The following MYO15A variants were observed in gnomAD, a reference collection of about 807,000 sequenced individuals.
The protein encoded by MYO15A is unconventional myosin-XV.
A neutral mutation model predicts 394.6 loss-of-function variants in MYO15A; 308 were observed. That is an observed-to-expected ratio of 0.78 (90% CI 0.71 to 0.86). The LOEUF is 0.86. Among genes scored for constraint, MYO15A ranks in the 40% least tolerant of loss-of-function variants. The pLI, the probability that MYO15A is intolerant of heterozygous loss-of-function variation, is 0.00. For synonymous variants in MYO15A, 1,957 were observed against 2,003.8 expected (o/e 0.98, Z 0.62); for missense variants, 4,606 against 4,799.1 (o/e 0.96, Z 1.19).
At chr17:18,118,481 T>C in intron 1 of MYO15A, 101 bp from the exon 2 acceptor site, 1 of 416,428 alleles carries the variant, frequency 2.4e-6, no homozygotes, top group South Asian at 2.5e-5. Context: ...GATGTTGCCA[T>C]GACGACTCCG....
chr17:18,139,048 T>A (rs2046332242), intron 18 of MYO15A, 112 bp downstream of exon 18: 1 of 1,475,028 alleles, frequency 6.8e-7, no homozygotes, highest in African/African-American at 1.4e-5. Flanking sequence ...CAATTCTGGC[T>A]CTGCTGTGCC....
At position 18,126,430 on chromosome 17, in the gene MYO15A, C is replaced by T. The variant is rs567728989; in HGVS notation, c.3840C>T (p.Asn1280=). The change falls in exon 5 of 66, where the codon AAC becomes AAT. Residue 1280 remains asparagine, a synonymous_variant. Coordinates refer to ENST00000647165, the MANE Select transcript of MYO15A (RefSeq NM_016239.4). ...IYGPEQVQQY[N]GRALGENPPH... ...GGCCGGAGCAGGTGCAGCAGTACAA[C>T]GGACGGGCCCTGGGAGAGAATCCCC... is the stretch of plus-strand genomic sequence containing the variant. 52 of 1,613,858 alleles carry T rather than the reference C, an allele frequency of 3.2e-5. No homozygotes were observed. Among genetic ancestry groups the T allele is most frequent in the East Asian group, 4.5e-5 (2 of 44,856 alleles).
intron 45 of MYO15A, 115 bp downstream of exon 45, chr17:18,154,870 TG>T (rs2142380207): frequency 8.1e-7 from 1 of 1,228,102 alleles, no homozygotes; most frequent in East Asian, 2.5e-5. Flanking sequence ...CCCAGACATG[TG>T]CCTCCTTGCT....
At chr17:18,158,203 G>A in intron 51 of MYO15A, 1 of 592,782 alleles carries the variant, frequency 1.7e-6, no homozygotes, top group South Asian at 2.1e-5. Flanking sequence ...AGTCTACTGG[G>A]TTTGGGGCGG....
At chr17:18,116,755 A>G (rs2045792182) in intron 1 of MYO15A, among the ~76,000 whole-genome samples, 1 of 152,130 alleles carries the variant, frequency 6.6e-6, no homozygotes, top group African/African-American at 2.4e-5. Context: ...AACCGTCTCT[A>G]CTAAAAATAC....
At chr17:18,139,748 C>A in intron 19 of MYO15A, 137 bp downstream of exon 19, 1 of 999,078 alleles carries the variant, frequency 1.0e-6, no homozygotes, top group Non-Finnish European at 1.5e-6. Context: ...ACAAGGGTGG[C>A]CTGGACACCC....
In MYO15A at chr17:18,161,118, C is replaced by A. The variant is rs749555540; in HGVS notation, c.9387-199C>A. 3.5e-6 allele frequency: 3 copies of A among 861,420 alleles called. No individual in the cohort carries two copies. In the South Asian group the frequency reaches 4.3e-5, roughly 12 times the overall value. The allele number at this position is 861,420 out of a possible 1,614,324, so 53.4% of individuals were successfully genotyped here. ...CTACCTGGGGAAGATGTCTGGGGCC[C>A]CATCCCCTTCTGTCCCTATCCCCAA... On this transcript the variant is annotated intron_variant, in intron 56 of 65. Coordinates refer to ENST00000647165, the MANE Select transcript of MYO15A (RefSeq NM_016239.4).
chr17:18,162,583 A>AG lies in MYO15A; in HGVS notation c.9519dup. On this transcript the variant is annotated splice_acceptor_variant, in intron 57 of 65. Transcript: ENST00000647165. LOFTEE classifies it high-confidence loss of function. ...CGAGGCCTGAACTCCCTGCTTCTGC[A>AG]GGGATCGCCAAGGCCTGCGAGCAGA... 1.2e-6 allele frequency: 2 copies of AG among 1,613,686 alleles called. No individual in the cohort carries two copies. Among genetic ancestry groups the AG allele is most frequent in the South Asian group, 2.2e-5 (2 of 91,058 alleles).
In MYO15A at chr17:18,121,511, TG is replaced by T; in HGVS notation, c.2713del (p.Glu905AsnfsTer81). On this transcript the variant is annotated frameshift_variant, in exon 2 of 66. Coordinates refer to ENST00000647165, the MANE Select transcript of MYO15A (RefSeq NM_016239.4). LOFTEE classifies it high-confidence loss of function. The surrounding 1 kb of genome is among the most constrained non-coding windows in gnomAD (Gnocchi z 5.3). ...AGGGCCGGGGCCTGGCGGGCGCCCC[TG>T]GAACACCGGGAGAGCCCGCGAGAAC... ...PPRAGAWRAP[L>X]EHRESPREPE... 6.4e-7 allele frequency: 1 copy of T among 1,555,690 alleles called. No homozygotes were observed. The highest frequency in any genetic ancestry group is 8.7e-7 in the Non-Finnish European group (1 of 1,150,500).
chr17:18,164,248 C>T (rs1483288222), intron 60 of MYO15A: 1 of 296,552 alleles, frequency 3.4e-6, no homozygotes, highest in African/African-American at 2.2e-5. Flanking sequence ...AGAAGCCCCT[C>T]CCGAGGTGTC....
intron 55 of MYO15A, 100 bp downstream of exon 55, chr17:18,159,779 C>G (rs1365953708): frequency 6.7e-7 from 1 of 1,491,152 alleles, no homozygotes. Flanking sequence ...GGAAACCTCT[C>G]CCATGGTCCA....
rs761676719 is a variant in MYO15A at position 18,151,937 on chromosome 17, G to A, written c.7879G>A (p.Ala2627Thr). The change falls in exon 41 of 66, where the codon GCA becomes ACA. Residue 2627 changes from alanine (A) to threonine (T), a missense_variant. By Grantham distance (58) the Ala-to-Thr change is moderately conservative. Around this residue, in one of 2 missense-constraint regions of MYO15A, gnomAD observed 2,776 missense variants for 3,109.3 expected, o/e 0.89. Transcript: ENST00000647165. ...LKGQMTHLAA[A>T]PGTQVSREAV... is the part of the protein sequence containing the mutation. ...AGGGCAGATGACCCACCTGGCAGCT[G>A]CACCTGGCACCCAGGTGAGGGGGGA... 6.4e-6 allele frequency: 10 copies of A among 1,561,184 alleles called. No homozygotes were observed. Among genetic ancestry groups the A allele is most frequent in the Non-Finnish European group, 7.8e-6 (9 of 1,151,842 alleles).
chr17:18,128,880 G>GTT lies in MYO15A; in HGVS notation c.4032+1717_4032+1718dup, dbSNP rs1439406447. ...GCTGTGGATGTGGCTGAGTCTGGGA[G>GTT]TTTGTGTGTGCCAGGCACACAGAAT... On this transcript the variant is annotated intron_variant, in intron 7 of 65. Coordinates refer to ENST00000647165, the MANE Select transcript of MYO15A (RefSeq NM_016239.4). Among the ~76,000 whole-genome samples the GTT allele has an allele frequency of 1.6e-3, 245 of 152,192 alleles. 4 individuals carry two copies. The highest frequency in any genetic ancestry group is 0.015 in the Admixed American group (222 of 15,300).
chr17:18,174,026 G>A, intron 65 of MYO15A, 105 bp downstream of exon 65: 2 of 1,469,928 alleles, frequency 1.4e-6, no homozygotes, highest in Admixed American at 2.1e-5. Flanking sequence ...ATCCAGGCCA[G>A]TGCATGGGAC....
Position 18,141,021 on chromosome 17 carries a change from G to C in MYO15A, c.5409G>C (p.Glu1803Asp). 1 of 1,613,938 alleles carries C rather than the reference G, an allele frequency of 6.2e-7. No individual in the cohort carries two copies. The highest frequency in any genetic ancestry group is 8.5e-7 in the Non-Finnish European group (1 of 1,180,040). The change falls in exon 22 of 66, where the codon GAG becomes GAC. Residue 1803 changes from glutamate (E) to aspartate (D), a missense_variant and splice_region_variant. Glu to Asp is a conservative substitution (Grantham distance 45, BLOSUM62 2). Coordinates refer to ENST00000647165, the MANE Select transcript of MYO15A (RefSeq NM_016239.4). The stretch of plus-strand genomic sequence containing the variant: ...TCCCTCTCTGGGCATCCCTACAGGA[G>C]CCAGGTCTCTTTGAGCCAGATGTGG... ...MRCLKPNHKKEPGLFEPDVVM... is the reference protein window; with the variant it reads ...MRCLKPNHKKDPGLFEPDVVM...
chr17:18,117,425 A>C lies in MYO15A; in HGVS notation c.-219-1157A>C, dbSNP rs2045805737. On this transcript the variant is annotated intron_variant, in intron 1 of 65. Transcript: ENST00000647165. This position sits in a 1 kb window ranked among gnomAD's most constrained non-coding sequence, Gnocchi z 4.1. ...ACTGATCTGAGGGCGTGGAGCTGGC[A>C]AGTGGCAGAACCAGGGCCAGAACCT... is the stretch of plus-strand genomic sequence containing the variant. Among the ~76,000 whole-genome samples, 2 of 152,246 alleles carry C rather than the reference A, an allele frequency of 1.3e-5. No individual in the cohort carries two copies. Among genetic ancestry groups the C allele is most frequent in the South Asian group, 4.1e-4 (2 of 4,836 alleles).
rs777564646 is a variant in MYO15A, at chr17:18,131,522, C to A, written c.4197C>A (p.Ile1399=). ...TSQYLLEKSR[I]VFQAKNERNY... ...AGTACCTGCTTGAGAAATCCAGGATCGTGTTTCAGGTGGGCCACCCCCTCC... is the reference window on the plus strand; with the variant it reads ...AGTACCTGCTTGAGAAATCCAGGATAGTGTTTCAGGTGGGCCACCCCCTCC... Residue 1399 remains isoleucine (I), a synonymous_variant, in exon 10 of 66, where the codon ATC becomes ATA. Transcript: ENST00000647165. 1 of 1,613,912 alleles carries A rather than the reference C, an allele frequency of 6.2e-7. No homozygotes were observed. Among genetic ancestry groups the A allele is most frequent in the Non-Finnish European group, 8.5e-7 (1 of 1,179,932 alleles).
At chr17:18,138,358 G>C (rs974863645) in intron 17 of MYO15A, 112 bp downstream of exon 17, 3 of 1,386,128 alleles carry the variant, frequency 2.2e-6, no homozygotes, top group East Asian at 2.5e-5. Flanking sequence ...GTCAGGCAGT[G>C]GGGGGTTGGG....
rs141732350 is a variant in MYO15A, at chr17:18,173,162, G to A, written c.10351-619G>A. Among the ~76,000 whole-genome samples, 41 of 152,290 alleles carry A rather than the reference G, an allele frequency of 2.7e-4. No individual in the cohort carries two copies. The East Asian group carries it at 3.3e-3, about 12-fold the overall frequency. ...CAGACTAGAGCTTTCCTTCTCTCCT[G>A]GGGGTGAGGGAGCTGGGGTGTCCAT... On this transcript the variant is annotated intron_variant, in intron 64 of 65. Transcript: ENST00000647165.
Sources: gnomAD v4.1 joint callset for allele counts (sites outside exome capture counted in the v4.1 genomes callset) on GRCh38, gnomAD v4.1.1 for gene constraint, gnomAD v4.1.1 regional missense constraint, Gnocchi (gnomAD v3.1) non-coding constraint, MANE v1.5 for transcripts, NCBI Gene and HGNC (gene_info 2026-07-23, HGNC 2026-07-21) for gene names.